CCDC171: variants seen among roughly 807,000 people sequenced by gnomAD.
The protein encoded by CCDC171 is coiled-coil domain-containing protein 171.
In CCDC171, 177 loss-of-function variants were observed where a neutral mutation model predicts 168.2. The ratio of observed to expected loss-of-function variants is 1.05; its 90% CI spans 0.93 to 1.19. CCDC171 has a LOEUF of 1.19. Ranked by LOEUF, CCDC171 falls within the 50% of genes most tolerant of loss-of-function variation. CCDC171 has a pLI of 0.00. For missense variants in CCDC171, 1,991 were observed against 1,539.0 expected, an observed-to-expected ratio of 1.29 and a Z score of -4.91; for synonymous variants, 687 against 540.8, an observed-to-expected ratio of 1.27 and a Z score of -3.75.
intron 21 of CCDC171, among the ~76,000 whole-genome samples, chr9:15,810,333 T>G (rs1200501354): frequency 6.6e-6 from 1 of 152,208 alleles, no homozygotes; most frequent in Non-Finnish European, 1.5e-5. Context: ...CAGCTGGCTT[T>G]GCCTAGTGGA....
At chr9:15,882,162 GT>G (rs1212137182) in intron 24 of CCDC171, among the ~76,000 whole-genome samples, 1 of 152,044 alleles carries the variant, frequency 6.6e-6, no homozygotes, top group Non-Finnish European at 1.5e-5. Context: ...GCTCATTGTG[GT>G]TTTGATTTGC....
chr9:15,610,444 TAAAAAAAAAAAAAAAAA>T (rs754593075), intron 6 of CCDC171, among the ~76,000 whole-genome samples: 354 of 12,732 alleles, frequency 0.028, 4 homozygotes, highest in Non-Finnish European at 0.044. Context: ...CCATCTCAAC[TAAAAAAAAAAAAAAAAA>T]AAAAAAAAAA....
chr9:15,736,083 A>G (rs2054473531), intron 16 of CCDC171, among the ~76,000 whole-genome samples: 1 of 152,118 alleles, frequency 6.6e-6, no homozygotes, highest in South Asian at 2.1e-4. Context: ...GACAACTGAT[A>G]CTACTTACTT....
chr9:15,703,480 T>C (rs2133914179), intron 11 of CCDC171, among the ~76,000 whole-genome samples: 1 of 152,362 alleles, frequency 6.6e-6, no homozygotes, highest in South Asian at 2.1e-4. Flanking sequence ...AATTTTTTTT[T>C]AGCTCTCATG....
chr9:15,696,903 C>A (rs933119670), intron 11 of CCDC171, among the ~76,000 whole-genome samples: 1 of 152,078 alleles, frequency 6.6e-6, no homozygotes, highest in Admixed American at 6.5e-5. Flanking sequence ...TGTGTTCCTG[C>A]GAAAGGACTG....
chr9:15,902,953 A>G, intron 24 of CCDC171, among the ~76,000 whole-genome samples: 1 of 152,202 alleles, frequency 6.6e-6, no homozygotes, highest in East Asian at 1.9e-4. Context: ...GCAGTCTGAG[A>G]TCAAACTGCA....
intron 24 of CCDC171, chr9:15,885,997 TA>T (rs1819344475): frequency 6.6e-6 from 1 of 152,198 alleles, no homozygotes; most frequent in Non-Finnish European, 1.5e-5. Context: ...ACAGAGATCC[TA>T]ATTCTTTTCC....
intron 25 of CCDC171, among the ~76,000 whole-genome samples, chr9:15,937,286 T>G (rs150936256): frequency 1.1e-4 from 17 of 152,172 alleles, no homozygotes; most frequent in African/African-American, 2.9e-4. Flanking sequence ...CTCAAGCTGG[T>G]TCAGAGACAA....
intron 8 of CCDC171, among the ~76,000 whole-genome samples, chr9:15,660,951 A>C (rs1043751293): frequency 6.6e-6 from 1 of 152,176 alleles, no homozygotes; most frequent in Non-Finnish European, 1.5e-5. Flanking sequence ...ATATATAAAC[A>C]TTTCCTTTTC....
At chr9:15,883,668 A>C (rs1819013683) in intron 24 of CCDC171, among the ~76,000 whole-genome samples, 1 of 152,218 alleles carries the variant, frequency 6.6e-6, no homozygotes, top group Admixed American at 6.5e-5. Context: ...CTTCTGCTAC[A>C]GTTTTAAAGA....
At chr9:16,053,635 G>A (rs961859518) in intron 1 of CCDC171, among the ~76,000 whole-genome samples, 9 of 152,158 alleles carry the variant, frequency 5.9e-5, no homozygotes, top group South Asian at 2.1e-4. Context: ...TCCTGAGCAC[G>A]GCCCCTCTCC....
At chr9:16,108,697 C>T in the CCDC171 span, among the ~76,000 whole-genome samples, 1 of 152,142 alleles carries the variant, frequency 6.6e-6, no homozygotes, top group Non-Finnish European at 1.5e-5. Context: ...GACAGTTGGC[C>T]CTTTGTGTTC....
chr9:15,657,449 G>A (rs1002126205), intron 8 of CCDC171, among the ~76,000 whole-genome samples: 1 of 152,188 alleles, frequency 6.6e-6, no homozygotes, highest in Non-Finnish European at 1.5e-5. Flanking sequence ...GTCTGTTCTT[G>A]TGAAGTTTTG....
intron 19 of CCDC171, 86 bp downstream of exon 19, chr9:15,777,912 T>A (rs972703721): frequency 5.7e-6 from 5 of 875,976 alleles, no homozygotes; most frequent in Non-Finnish European, 8.5e-6. Context: ...AAATTATTAG[T>A]TGTACATGAA....
At chr9:16,028,735 T>C (rs1833318459) in intron 6 of CCDC171, among the ~76,000 whole-genome samples, 2 of 152,110 alleles carry the variant, frequency 1.3e-5, no homozygotes, top group African/African-American at 4.8e-5. Flanking sequence ...TATTCTGAAA[T>C]TGCTGCATTT....
chr9:15,675,034 C>T (rs2049421037), intron 9 of CCDC171, among the ~76,000 whole-genome samples: 1 of 152,220 alleles, frequency 6.6e-6, no homozygotes, highest in African/African-American at 2.4e-5. Context: ...CTTTATGAAT[C>T]TGGGTGCTCC....
At chr9:15,748,580 C>T (rs1464770120) in intron 18 of CCDC171, among the ~76,000 whole-genome samples, 3 of 152,134 alleles carry the variant, frequency 2.0e-5, no homozygotes, top group Non-Finnish European at 2.9e-5. Context: ...AGAGAAAGGT[C>T]GGGTTACCCA....
At chr9:15,601,167 A>T (rs1171430861) in intron 6 of CCDC171, among the ~76,000 whole-genome samples, 1 of 152,108 alleles carries the variant, frequency 6.6e-6, no homozygotes, top group Non-Finnish European at 1.5e-5. Flanking sequence ...GACAATCCTC[A>T]GTGAGATGAA....
At chr9:15,708,591 A>C (rs2052423205) in intron 11 of CCDC171, among the ~76,000 whole-genome samples, 1 of 152,186 alleles carries the variant, frequency 6.6e-6, no homozygotes, top group African/African-American at 2.4e-5. Context: ...TGTAACTCCC[A>C]GAATACAGCT....
Sources: allele counts gnomAD v4.1 joint callset (sites outside exome capture counted in the v4.1 genomes callset), GRCh38; gene constraint gnomAD v4.1.1; transcripts MANE v1.5; gene names NCBI Gene and HGNC (gene_info 2026-07-23, HGNC 2026-07-21).